SUMO2: variants seen among roughly 807,000 people sequenced by gnomAD.
The protein encoded by SUMO2 is small ubiquitin like modifier 2, also known as small ubiquitin-related modifier 2.
In SUMO2, 1 loss-of-function variant was observed where a neutral mutation model predicts 16.0. The ratio of observed to expected loss-of-function variants is 0.06; its 90% CI spans 0.02 to 0.30. SUMO2 has a LOEUF of 0.30. Ranked by LOEUF, SUMO2 falls within the 10% of genes least tolerant of loss-of-function variation. The pLI, the probability that SUMO2 is intolerant of heterozygous loss-of-function variation, is 1.00. For missense variants in SUMO2, 16 were observed against 117.5 expected (o/e 0.14, Z 3.99); for synonymous variants, 36 against 40.6 (o/e 0.89, Z 0.43).
rs2074697938 is a variant in SUMO2 at position 75,166,986 on chromosome 17, T to G, written c.*1353A>C. The G allele has an allele frequency of 6.6e-6, 1 of 151,642 alleles. No individual in the cohort carries two copies. Among genetic ancestry groups the G allele is most frequent in the South Asian group, 2.1e-4 (1 of 4,806 alleles). The allele number at this position is 151,642 out of a possible 1,614,324, so 9.4% of individuals were successfully genotyped here. A position where few individuals can be genotyped will look rare whatever the true frequency, so the allele number is the denominator to read the frequency against. ...CTGTAGTGACCTGTATATTTAAGGT[T>G]CTGAGGATGGATATATATAGATATT... On this transcript the variant is annotated 3_prime_UTR_variant, in exon 4 of 4. Transcript: ENST00000420826.
intron 2 of SUMO2, among the ~76,000 whole-genome samples, chr17:75,179,766 TCTCAGC>T (rs1555655363): frequency 2.0e-5 from 3 of 151,922 alleles, no homozygotes; most frequent in Non-Finnish European, 4.4e-5. Context: ...TTCAAGGGAT[TCTCAGC>T]CTCAGCCTCC....
chr17:75,181,986 C>T (rs1403479618), intron 1 of SUMO2, among the ~76,000 whole-genome samples: 1 of 151,744 alleles, frequency 6.6e-6, no homozygotes, highest in African/African-American at 2.4e-5. Context: ...GCGGGGGGTG[C>T]CACCAAACTA....
rs141870420 is a variant in SUMO2, at chr17:75,168,509, A to C, written c.226-108T>G. The C allele has an allele frequency of 4.4e-5, 40 of 918,244 alleles. No individual in the cohort carries two copies. The African/African-American group carries it at 6.5e-4, about 15-fold the overall frequency. 56.9% of individuals were successfully genotyped at this position (918,244 alleles called of 1,614,324 possible). ...CATGTACATGTTCCACTAAGTTCCA[A>C]GTTTCATTATTTTAGATGTCTCATA... On this transcript the variant is annotated intron_variant, in intron 3 of 3. Transcript: ENST00000420826.
chr17:75,182,038 A>G lies in SUMO2; in HGVS notation c.21+776T>C, dbSNP rs548029059. On this transcript the variant is annotated intron_variant, in intron 1 of 3. Coordinates refer to ENST00000420826, the MANE Select transcript of SUMO2 (RefSeq NM_006937.4). The stretch of plus-strand genomic sequence containing the variant: ...TGTGCCCCGATGATGGGTGTCCCCA[A>G]GTCCTCCCGGGAAGTCTCCGGGTGC... Among the ~76,000 whole-genome samples, 552 of 152,178 alleles carry G rather than the reference A, an allele frequency of 3.6e-3. 3 individuals are homozygous for G. Among genetic ancestry groups the G allele is most frequent in the Middle Eastern group, 0.014 (4 of 294 alleles).
chr17:75,179,563 C>G (rs569461662), intron 2 of SUMO2, among the ~76,000 whole-genome samples: 1 of 148,832 alleles, frequency 6.7e-6, no homozygotes, highest in East Asian at 2.0e-4. Flanking sequence ...TTATAAGGAA[C>G]TACATACAAG....
rs185224936 is a variant in SUMO2, at chr17:75,174,733, T to C, written c.225+19A>G. ...GAATTACAAATGGTAATTTTTCTAA[T>C]TAGGAGAGATTTTTTTACCTGTGCA... is the stretch of plus-strand genomic sequence containing the variant. On this transcript the variant is annotated intron_variant, in intron 3 of 3. Coordinates refer to ENST00000420826, the MANE Select transcript of SUMO2 (RefSeq NM_006937.4). 43 of 1,608,426 alleles carry C rather than the reference T, an allele frequency of 2.7e-5. No individual in the cohort carries two copies. The East Asian group carries it at 8.5e-4, about 32-fold the overall frequency.
chr17:75,174,939 G>A, intron 2 of SUMO2, 116 bp from the exon 3 acceptor site: 1 of 889,658 alleles, frequency 1.1e-6, no homozygotes, highest in Non-Finnish European at 1.7e-6. Flanking sequence ...ATAAACAATT[G>A]CCAACATGTT....
chr17:75,182,306 C>G (rs2074835335), intron 1 of SUMO2: 1 of 152,446 alleles, frequency 6.6e-6, no homozygotes, highest in African/African-American at 2.4e-5. Context: ...CCGTCCGCAG[C>G]CCATTGATTC....
chr17:75,168,978 TG>T (rs2074713919), intron 3 of SUMO2, among the ~76,000 whole-genome samples: 2 of 149,072 alleles, frequency 1.3e-5, no homozygotes, highest in Admixed American at 6.8e-5. Flanking sequence ...CCAGTACTAC[TG>T]GAGGCCAACA....
chr17:75,169,302 G>A (rs555865962), intron 3 of SUMO2, among the ~76,000 whole-genome samples: 11 of 152,078 alleles, frequency 7.2e-5, no homozygotes, highest in Non-Finnish European at 1.6e-4. Context: ...ACTTTGGGAG[G>A]CTGAAGTGGG....
Position 75,166,030 on chromosome 17 carries a change from AAAAAC to A in SUMO2, c.*2304_*2308del, listed in dbSNP as rs538514529. ...GACAGAGCAAGACTCCGTCTGAAAA[AAAAAC>A]AAAAACAAAAACAAAAACTGTAGTG... On this transcript the variant is annotated 3_prime_UTR_variant, in exon 4 of 4. Transcript: ENST00000420826. 2,171 of 152,174 alleles carry A rather than the reference AAAAAC, an allele frequency of 0.014. 25 individuals carry two copies. The highest frequency in any genetic ancestry group is 0.024 in the Non-Finnish European group (1,616 of 68,320). 9.4% of individuals were successfully genotyped at this position (152,174 alleles called of 1,614,324 possible).
In SUMO2 at chr17:75,173,826, T is replaced by C. The variant is rs73995797; in HGVS notation, c.225+926A>G. On this transcript the variant is annotated intron_variant, in intron 3 of 3. Coordinates refer to ENST00000420826, the MANE Select transcript of SUMO2 (RefSeq NM_006937.4). ...AAAACTGGAAGTATTTAATGGAACT[T>C]TGAAAGGGTAAAAAGAAACAAAGAG... 6.9e-3 allele frequency among the ~76,000 whole-genome samples: 1,046 copies of C among 152,112 alleles called. 14 individuals are homozygous for C. The highest frequency in any genetic ancestry group is 0.024 in the African/African-American group (978 of 41,516).
intron 1 of SUMO2, 52 bp from the exon 2 acceptor site, chr17:75,181,240 G>A: frequency 5.7e-6 from 9 of 1,591,028 alleles, no homozygotes; most frequent in South Asian, 1.1e-5. Context: ...CAACGAACAC[G>A]TTTTATAAAG....
At chr17:75,173,529 C>CAGTG (rs1209829688) in intron 3 of SUMO2, among the ~76,000 whole-genome samples, 5 of 149,686 alleles carry the variant, frequency 3.3e-5, no homozygotes, top group Non-Finnish European at 5.9e-5. Flanking sequence ...GGCTGGTGTG[C>CAGTG]AGTGGTACCA....
chr17:75,169,297 G>T (rs1483830275), intron 3 of SUMO2, among the ~76,000 whole-genome samples: 3 of 152,032 alleles, frequency 2.0e-5, no homozygotes, highest in African/African-American at 7.2e-5. Context: ...TCAACACTTT[G>T]GGAGGCTGAA....
chr17:75,168,452 T>C, intron 3 of SUMO2, 51 bp from the exon 4 acceptor site: 1 of 1,523,128 alleles, frequency 6.6e-7, no homozygotes, highest in Non-Finnish European at 8.9e-7. Context: ...GTTCTGAAAA[T>C]TAATGATTTT....
intron 3 of SUMO2, among the ~76,000 whole-genome samples, chr17:75,171,552 G>A (rs1003738766): frequency 6.6e-6 from 1 of 151,864 alleles, no homozygotes; most frequent in Non-Finnish European, 1.5e-5. Flanking sequence ...GGAGGCAGGA[G>A]GCCTGCTAAG....
chr17:75,174,510 C>A (rs988099588), intron 3 of SUMO2, among the ~76,000 whole-genome samples: 3 of 152,082 alleles, frequency 2.0e-5, no homozygotes, highest in Non-Finnish European at 4.4e-5. Flanking sequence ...TCAACCCGGG[C>A]AACAGAGAGG....
intron 2 of SUMO2, among the ~76,000 whole-genome samples, chr17:75,177,358 T>C (rs1390825449): frequency 6.6e-6 from 1 of 150,594 alleles, no homozygotes; most frequent in African/African-American, 2.4e-5. Context: ...AGAGCAAGAC[T>C]CCATCTCAAA....
Sources: gnomAD v4.1 joint callset for allele counts (sites outside exome capture counted in the v4.1 genomes callset) on GRCh38, gnomAD v4.1.1 for gene constraint, MANE v1.5 for transcripts, NCBI Gene and HGNC (gene_info 2026-07-23, HGNC 2026-07-21) for gene names.